AGMO: variants seen among roughly 807,000 people sequenced by gnomAD.
AGMO encodes alkylglycerol monooxygenase, also known as glyceryl-ether monooxygenase.
In AGMO, 75 loss-of-function variants were observed where a neutral mutation model predicts 60.2. That is an observed-to-expected ratio of 1.25 (90% CI 1.03 to 1.51). The LOEUF is 1.51. Among genes scored for constraint, AGMO ranks in the 40% most tolerant of loss-of-function variants. The pLI, the probability that AGMO is intolerant of heterozygous loss-of-function variation, is 0.00. For missense variants in AGMO, 763 were observed against 525.5 expected, an observed-to-expected ratio of 1.45 and a Z score of -4.42; for synonymous variants, 261 against 177.1, an observed-to-expected ratio of 1.47 and a Z score of -3.76.
At chr7:15,275,990 T>A (rs1783775079) in intron 12 of AGMO, among the ~76,000 whole-genome samples, 1 of 152,208 alleles carries the variant, frequency 6.6e-6, no homozygotes, top group African/African-American at 2.4e-5. Flanking sequence ...TTTGCCACTG[T>A]GTATCTTTTA....
chr7:15,367,903 T>C (rs1783047985), intron 10 of AGMO, among the ~76,000 whole-genome samples: 1 of 152,062 alleles, frequency 6.6e-6, no homozygotes, highest in South Asian at 2.1e-4. Flanking sequence ...TACTTGCAAC[T>C]CAACTGCATC....
At chr7:15,300,188 A>T (rs761111620) in intron 12 of AGMO, among the ~76,000 whole-genome samples, 4 of 152,214 alleles carry the variant, frequency 2.6e-5, no homozygotes, top group Non-Finnish European at 4.4e-5. Context: ...TACCCAAGAG[A>T]TCAAGTTAGA....
intron 12 of AGMO, among the ~76,000 whole-genome samples, chr7:15,225,196 A>G (rs1052788135): frequency 6.6e-6 from 1 of 152,084 alleles, no homozygotes; most frequent in Middle Eastern, 3.4e-3. Context: ...AATCTTCAAA[A>G]ATAAGATTCT....
rs115418479 is a variant in AGMO, at chr7:15,323,826, T to C, written c.1263+41688A>G. On this transcript the variant is annotated intron_variant, in intron 12 of 12. Coordinates refer to ENST00000342526, the MANE Select transcript of AGMO (RefSeq NM_001004320.2). ...TAATCATTTTTAAATTGTGAAATTATCAAAACAGACACGAGATGTTGCCAA... is the reference window on the plus strand; with the variant it reads ...TAATCATTTTTAAATTGTGAAATTACCAAAACAGACACGAGATGTTGCCAA... 9.1e-3 allele frequency among the ~76,000 whole-genome samples: 1,390 copies of C among 152,250 alleles called. 15 individuals are homozygous for C. The highest frequency in any genetic ancestry group is 0.032 in the African/African-American group (1,323 of 41,570).
At chr7:15,375,226 G>C (rs745804234) in intron 10 of AGMO, among the ~76,000 whole-genome samples, 3 of 151,956 alleles carry the variant, frequency 2.0e-5, no homozygotes, top group Non-Finnish European at 2.9e-5. Flanking sequence ...TTTGCCTCAA[G>C]ATCAAATTTC....
At chr7:15,245,921 C>A (rs1286007862) in intron 12 of AGMO, among the ~76,000 whole-genome samples, 1 of 152,106 alleles carries the variant, frequency 6.6e-6, no homozygotes. Flanking sequence ...CCCAGGCAAT[C>A]AGACACTACA....
At chr7:15,380,281 GCTT>G (rs1783624388) in intron 10 of AGMO, among the ~76,000 whole-genome samples, 2 of 152,050 alleles carry the variant, frequency 1.3e-5, no homozygotes, top group African/African-American at 2.4e-5. Context: ...CAACCCAAAA[GCTT>G]CTTAAGTTGA....
Position 15,385,448 on chromosome 7 carries a change from C to G in AGMO, c.1072G>C (p.Ala358Pro), listed in dbSNP as rs1212978110. The G allele has an allele frequency of 6.4e-7, 1 of 1,557,536 alleles. No homozygotes were observed. Among genetic ancestry groups the G allele is most frequent in the South Asian group, 1.1e-5 (1 of 89,360 alleles). The change falls in exon 10 of 13, where the codon GCT becomes CCT. Residue 358 changes from alanine to proline, a missense_variant and splice_region_variant. Coordinates refer to ENST00000342526, the MANE Select transcript of AGMO (RefSeq NM_001004320.2). ...AFYEETFADTAALSQVTLLLR... is the reference protein window; with the variant it reads ...AFYEETFADTPALSQVTLLLR... ...TACTTAAAATGGATATTACTTACAG[C>G]TGTATCTGCAAAGGTCTCTTCATAA...
intron 12 of AGMO, among the ~76,000 whole-genome samples, chr7:15,264,598 A>G (rs1477010184): frequency 1.3e-5 from 2 of 152,102 alleles, no homozygotes. Context: ...AAACCAAAAA[A>G]TCCAATTAAA....
At position 15,518,530 on chromosome 7, in the gene AGMO, G is replaced by T. The variant is rs578231858; in HGVS notation, c.409+26242C>A. Among the ~76,000 whole-genome samples the T allele has an allele frequency of 2.9e-3, 444 of 152,270 alleles. 2 individuals are homozygous for T. The highest frequency in any genetic ancestry group is 0.01 in the African/African-American group (425 of 41,564). The stretch of plus-strand genomic sequence containing the variant: ...TCCACTTGTGATACTCTGGCAAACA[G>T]GGTCTGGAGTGGACCTCCAGCAAAC... On this transcript the variant is annotated intron_variant, in intron 3 of 12. Transcript: ENST00000342526.
intron 12 of AGMO, among the ~76,000 whole-genome samples, chr7:15,332,177 C>G (rs1484253990): frequency 6.6e-6 from 1 of 152,060 alleles, no homozygotes; most frequent in Non-Finnish European, 1.5e-5. Context: ...TCGTGTTAAG[C>G]CAGTAATACT....
At chr7:15,352,221 T>C (rs977881445) in intron 12 of AGMO, among the ~76,000 whole-genome samples, 6 of 151,956 alleles carry the variant, frequency 3.9e-5, no homozygotes, top group African/African-American at 1.5e-4. Context: ...GAAATAAATA[T>C]ACAATCCAAA....
Position 15,407,784 on chromosome 7 carries a change from TATC to T in AGMO, c.609+10771_609+10773del, listed in dbSNP as rs1281561020. Among the ~76,000 whole-genome samples the T allele has an allele frequency of 4.9e-4, 74 of 151,946 alleles. 1 individual carries two copies. The highest frequency in any genetic ancestry group is 4.4e-5 in the Non-Finnish European group (3 of 67,878). On this transcript the variant is annotated intron_variant, in intron 5 of 12. Transcript: ENST00000342526. ...ATAATAAATGAGAAACTTTTTTTGCTATCATGGAATTCAGAGAATAATGAGAGA... is the reference window on the plus strand; with the variant it reads ...ATAATAAATGAGAAACTTTTTTTGCTATGGAATTCAGAGAATAATGAGAGA...
chr7:15,139,346 C>G, the AGMO span, among the ~76,000 whole-genome samples: 10 of 152,074 alleles, frequency 6.6e-5, no homozygotes, highest in Non-Finnish European at 1.2e-4. Context: ...TTAATTGATT[C>G]TGATGTTGTA....
At chr7:15,186,570 G>A in the AGMO span, among the ~76,000 whole-genome samples, 2 of 152,190 alleles carry the variant, frequency 1.3e-5, no homozygotes, top group Non-Finnish European at 2.9e-5. Flanking sequence ...AGAGGGTGAT[G>A]TGCAAAGTAG....
At chr7:15,139,130 T>A in the AGMO span, among the ~76,000 whole-genome samples, 1 of 152,070 alleles carries the variant, frequency 6.6e-6, no homozygotes, top group African/African-American at 2.4e-5. Flanking sequence ...ATGTTATTAT[T>A]CTTATCACAT....
At chr7:15,550,494 C>G (rs1255828356) in intron 2 of AGMO, among the ~76,000 whole-genome samples, 28 of 152,022 alleles carry the variant, frequency 1.8e-4, no homozygotes, top group Non-Finnish European at 3.7e-4. Flanking sequence ...TATCACCACC[C>G]ATCCCACAGA....
intron 3 of AGMO, among the ~76,000 whole-genome samples, chr7:15,447,700 G>A (rs888633483): frequency 6.6e-6 from 1 of 151,850 alleles, no homozygotes; most frequent in Non-Finnish European, 1.5e-5. Flanking sequence ...ACAGACACAC[G>A]CCACCACACC....
intron 3 of AGMO, among the ~76,000 whole-genome samples, chr7:15,529,567 T>C (rs1296547021): frequency 2.4e-5 from 3 of 126,738 alleles, no homozygotes; most frequent in African/African-American, 9.1e-5. Flanking sequence ...ATATATATTC[T>C]ATATATAGAG....
Sources: allele counts gnomAD v4.1 joint callset (sites outside exome capture counted in the v4.1 genomes callset), GRCh38; gene constraint gnomAD v4.1.1; transcripts MANE v1.5; gene names NCBI Gene and HGNC (gene_info 2026-07-23, HGNC 2026-07-21).